The following RFFL variants were observed in gnomAD, a reference collection of about 807,000 sequenced individuals.
RFFL encodes the protein ring finger and FYVE like domain containing E3 ubiquitin protein ligase.
A neutral mutation model predicts 40.4 loss-of-function variants in RFFL; 16 were observed. That is an observed-to-expected ratio of 0.40 (90% confidence interval 0.27 to 0.60). RFFL has a LOEUF of 0.60. Among genes scored for constraint, RFFL ranks in the 20% least tolerant of loss-of-function variants. The pLI is 0.47. For synonymous variants in RFFL, 154 were observed against 167.9 expected (o/e 0.92, Z 0.64); for missense variants, 367 against 451.7 (o/e 0.81, Z 1.70).
chr17:35,031,921 C>G (rs1168002866), intron 1 of RFFL, among the ~76,000 whole-genome samples: 2 of 151,740 alleles, frequency 1.3e-5, no homozygotes, highest in Non-Finnish European at 2.9e-5. Flanking sequence ...GGGTGAAACC[C>G]CGTCTCTACT....
intron 1 of RFFL, among the ~76,000 whole-genome samples, chr17:35,072,566 T>TACAC (rs138372161): frequency 0.17 from 24,320 of 147,254 alleles, 2,509 homozygotes; most frequent in East Asian, 0.23. Context: ...AGCAGAAAAC[T>TACAC]ACACACACAC....
At chr17:35,055,838 T>A (rs971847071) in intron 1 of RFFL, among the ~76,000 whole-genome samples, 4 of 152,132 alleles carry the variant, frequency 2.6e-5, no homozygotes, top group East Asian at 1.9e-4. Context: ...GCTTTTTTTT[T>A]AAGAATTGCT....
chr17:35,073,781 G>GCACACACACACACACACA lies in RFFL; in HGVS notation c.-9+15306_-9+15323dup, dbSNP rs142439740. On this transcript the variant is annotated intron_variant, in intron 1 of 6. Transcript: ENST00000315249. Reference sequence around the variant, plus strand: ...GAAGACCCCACACACAGACACACACGCACACACACACACACACACACAAAA... The same window carrying GCACACACACACACACACA: ...GAAGACCCCACACACAGACACACACGCACACACACACACACACACACACACACACACACACACACAAAA... The GCACACACACACACACACA allele has an allele frequency of 2.0e-4, 30 of 147,050 alleles. 1 individual carries two copies. Among genetic ancestry groups the GCACACACACACACACACA allele is most frequent in the African/African-American group, 7.5e-4 (30 of 40,202 alleles). The allele number at this position is 147,050 out of a possible 1,614,324, so 9.1% of individuals were successfully genotyped here. A position where few individuals can be genotyped will look rare whatever the true frequency, so the allele number is the denominator to read the frequency against.
At chr17:35,033,589 G>A (rs771157471) in intron 1 of RFFL, among the ~76,000 whole-genome samples, 2 of 151,802 alleles carry the variant, frequency 1.3e-5, no homozygotes, top group Non-Finnish European at 2.9e-5. Context: ...CAGATTAGGG[G>A]GTAGGTCTAT....
chr17:35,084,364 C>T (rs1351625998), intron 1 of RFFL, among the ~76,000 whole-genome samples: 3 of 152,130 alleles, frequency 2.0e-5, no homozygotes, highest in African/African-American at 4.8e-5. Context: ...GAGGCCAAGG[C>T]GGGCAGATCA....
chr17:35,058,468 A>G (rs184383495), intron 1 of RFFL, among the ~76,000 whole-genome samples: 18 of 152,238 alleles, frequency 1.2e-4, no homozygotes, highest in Admixed American at 9.8e-4. Flanking sequence ...CAGTGTGGTA[A>G]ATTGTATCTA....
At chr17:35,084,240 A>G (rs1461232779) in intron 1 of RFFL, among the ~76,000 whole-genome samples, 1 of 152,246 alleles carries the variant, frequency 6.6e-6, no homozygotes, top group African/African-American at 2.4e-5. Flanking sequence ...TCTCAAAAAA[A>G]TAAATAAATA....
intron 1 of RFFL, among the ~76,000 whole-genome samples, chr17:35,071,124 G>C (rs970805544): frequency 7.3e-5 from 11 of 151,506 alleles, no homozygotes; most frequent in African/African-American, 2.7e-4. Context: ...CTTGAACCTG[G>C]GAGGCAGAGG....
At chr17:35,023,156 T>C (rs1015143149) in intron 2 of RFFL, among the ~76,000 whole-genome samples, 38 of 152,248 alleles carry the variant, frequency 2.5e-4, no homozygotes, top group South Asian at 2.1e-4. Flanking sequence ...CATCCTGTGT[T>C]GACTTAAGTA....
intron 1 of RFFL, among the ~76,000 whole-genome samples, chr17:35,082,677 T>C (rs1187614626): frequency 6.6e-6 from 1 of 152,198 alleles, no homozygotes; most frequent in Non-Finnish European, 1.5e-5. Context: ...AGAATAAAAA[T>C]TGTGTGAGGA....
chr17:35,018,019 C>T (rs1177108572), intron 3 of RFFL, among the ~76,000 whole-genome samples: 1 of 152,158 alleles, frequency 6.6e-6, no homozygotes, highest in Non-Finnish European at 1.5e-5. Flanking sequence ...TGGTTCTGCT[C>T]CTCAGACCAT....
intron 1 of RFFL, among the ~76,000 whole-genome samples, chr17:35,059,989 T>A (rs1385365921): frequency 2.0e-5 from 3 of 152,226 alleles, no homozygotes; most frequent in Non-Finnish European, 4.4e-5. Flanking sequence ...GAATTTCTCA[T>A]AGTCCCAAAT....
chr17:35,062,185 A>G (rs1378904590), intron 1 of RFFL, among the ~76,000 whole-genome samples: 3 of 151,922 alleles, frequency 2.0e-5, no homozygotes, highest in Non-Finnish European at 2.9e-5. Context: ...CAGGTGGACC[A>G]TGAGGTCAAG....
intron 1 of RFFL, among the ~76,000 whole-genome samples, chr17:35,049,332 TATCAAAA>T (rs1007495398): frequency 3.0e-4 from 46 of 151,832 alleles, no homozygotes; most frequent in African/African-American, 1.1e-3. Flanking sequence ...ACAAACACAT[TATCAAAA>T]CCTTTACCTG....
At chr17:35,026,741 T>C (rs1302220868) in intron 1 of RFFL, among the ~76,000 whole-genome samples, 180 bp from the exon 2 acceptor site, 2 of 152,202 alleles carry the variant, frequency 1.3e-5, no homozygotes, top group Non-Finnish European at 2.9e-5. Flanking sequence ...GTTTTGCTCT[T>C]GTTGCCCAGG....
chr17:35,088,952 C>T (rs954263843), intron 1 of RFFL: 1 of 152,466 alleles, frequency 6.6e-6, no homozygotes, highest in African/African-American at 2.4e-5. Flanking sequence ...GGCTTCCCCC[C>T]ACCCCTGTAG....
At chr17:35,083,681 T>C (rs548178669) in intron 1 of RFFL, among the ~76,000 whole-genome samples, 1 of 150,912 alleles carries the variant, frequency 6.6e-6, no homozygotes, top group South Asian at 2.1e-4. Flanking sequence ...CTTGGGAGGC[T>C]GAGGCAGGAG....
chr17:35,064,820 A>G (rs1302144768), upstream of RFFL, among the ~76,000 whole-genome samples: 1 of 152,232 alleles, frequency 6.6e-6, no homozygotes, highest in Non-Finnish European at 1.5e-5. Context: ...ATGTACGTGC[A>G]GACAGAATTT....
chr17:35,070,082 G>A (rs564236258), intron 1 of RFFL, among the ~76,000 whole-genome samples: 4 of 150,364 alleles, frequency 2.7e-5, no homozygotes, highest in African/African-American at 9.8e-5. Flanking sequence ...AAGAGCGAGC[G>A]AGCACGCACA....
Sources: allele counts gnomAD v4.1 joint callset (sites outside exome capture counted in the v4.1 genomes callset), GRCh38; gene constraint gnomAD v4.1.1; transcripts MANE v1.5; gene names NCBI Gene and HGNC (gene_info 2026-07-23, HGNC 2026-07-21).